TNIP3: variants seen among roughly 807,000 people sequenced by gnomAD.
TNIP3 encodes TNFAIP3 interacting protein 3, also known as TNFAIP3-interacting protein 3.
In TNIP3, 34 loss-of-function variants were observed where a neutral mutation model predicts 54.1. The observed-to-expected ratio is 0.63, with a 90% CI of 0.48 to 0.84. TNIP3 has a LOEUF of 0.84. TNIP3 is among the 40% of genes least tolerant of loss of function. The pLI is 0.00. For synonymous variants in TNIP3, 134 were observed against 136.8 expected, an observed-to-expected ratio of 0.98 and a Z score of 0.14; for missense variants, 366 against 387.6, an observed-to-expected ratio of 0.94 and a Z score of 0.47.
chr4:121,173,076 A>C (rs765041631), intron 3 of TNIP3, among the ~76,000 whole-genome samples: 5 of 152,220 alleles, frequency 3.3e-5, no homozygotes, highest in Non-Finnish European at 5.9e-5. Flanking sequence ...TGGGTGGCTG[A>C]ACCCATATCA....
intron 1 of TNIP3, among the ~76,000 whole-genome samples, chr4:121,162,300 G>C (rs1416654494): frequency 6.6e-6 from 1 of 152,262 alleles, no homozygotes; most frequent in East Asian, 1.9e-4. Flanking sequence ...GGTATTTTAA[G>C]TAAGCAGAGA....
At chr4:121,178,947 C>G (rs903923450) in intron 3 of TNIP3, among the ~76,000 whole-genome samples, 4 of 152,042 alleles carry the variant, frequency 2.6e-5, no homozygotes, top group Non-Finnish European at 5.9e-5. Context: ...ATGATAAAGT[C>G]TATAAATGAC....
At chr4:121,138,493 A>T in intron 10 of TNIP3, 131 bp downstream of exon 10, 1 of 803,774 alleles carries the variant, frequency 1.2e-6, no homozygotes, top group Non-Finnish European at 2.0e-6. Flanking sequence ...ATCAAATTAA[A>T]GTTATGTATG....
intron 1 of TNIP3, among the ~76,000 whole-genome samples, chr4:121,225,913 C>T (rs1490092004): frequency 2.6e-5 from 4 of 152,042 alleles, no homozygotes; most frequent in Non-Finnish European, 5.9e-5. Flanking sequence ...CTTTAGGTTC[C>T]TTTAACAGGA....
At chr4:121,184,826 G>A (rs945479114) in intron 2 of TNIP3, among the ~76,000 whole-genome samples, 2 of 152,158 alleles carry the variant, frequency 1.3e-5, no homozygotes, top group Admixed American at 6.5e-5. Context: ...CCTTCATGGT[G>A]CAAAAGGTTG....
chr4:121,157,326 T>C (rs763759857), intron 3 of TNIP3, 83 bp from the exon 4 acceptor site: 24 of 1,579,730 alleles, frequency 1.5e-5, no homozygotes, highest in South Asian at 4.5e-5. Context: ...CTATGAACTT[T>C]GGCAGAAACG....
At chr4:121,167,353 G>A (rs1008220119), upstream of TNIP3, among the ~76,000 whole-genome samples, 4 of 152,148 alleles carry the variant, frequency 2.6e-5, no homozygotes, top group Non-Finnish European at 5.9e-5. Flanking sequence ...ATTCAGAGGA[G>A]AGAGTGCTCA....
intron 3 of TNIP3, among the ~76,000 whole-genome samples, chr4:121,158,471 C>T (rs971121321): frequency 6.6e-6 from 1 of 152,160 alleles, no homozygotes; most frequent in Admixed American, 6.5e-5. Context: ...CATTTTTGCA[C>T]CTTTCTTTAG....
intron 3 of TNIP3, among the ~76,000 whole-genome samples, chr4:121,158,162 G>A (rs1028665381): frequency 6.6e-6 from 1 of 152,104 alleles, no homozygotes; most frequent in Non-Finnish European, 1.5e-5. Context: ...TCTTCCAAAA[G>A]CCCCTTTCTC....
chr4:121,182,676 C>A, exon 3 of TNIP3: 1 of 1,533,976 alleles, frequency 6.5e-7, no homozygotes, highest in Non-Finnish European at 8.7e-7. Context: ...GTTTTCTTAC[C>A]TTCAGAGAAC....
rs536048211 is a variant in TNIP3, at chr4:121,182,949, T to C, written c.69-153A>G. On this transcript the variant is annotated intron_variant, in intron 2 of 12. Transcript: ENST00000507879. The stretch of plus-strand genomic sequence containing the variant: ...TCTAATCTCATTATGTTTTCATTAG[T>C]CCATGCCATGAGAGCACTTTGAAAG... Among the ~76,000 whole-genome samples, 10 of 152,362 alleles carry C rather than the reference T, an allele frequency of 6.6e-5. No individual in the cohort carries two copies. The East Asian group carries it at 1.9e-3, about 29-fold the overall frequency.
At chr4:121,206,789 GA>G (rs1335477763) in intron 2 of TNIP3, among the ~76,000 whole-genome samples, 1 of 151,920 alleles carries the variant, frequency 6.6e-6, no homozygotes, top group African/African-American at 2.4e-5. Flanking sequence ...AGGCTGCTCT[GA>G]AACTCCTGGA....
At position 121,161,314 on chromosome 4, in the gene TNIP3, C is replaced by T. The variant is rs559404276; in HGVS notation, c.67-98G>A. On this transcript the variant is annotated intron_variant, in intron 1 of 10. Transcript: ENST00000057513. ...AACCCCATGCATTTGGCCAACTCTC[C>T]TGTTGCGATTTAAAAAATACCTGAT... 3.2e-4 allele frequency: 324 copies of T among 1,012,042 alleles called. 1 individual carries two copies. In the Middle Eastern group the frequency reaches 3.8e-3, roughly 12 times the overall value. The allele number at this position is 1,012,042 out of a possible 1,614,324, so 62.7% of individuals were successfully genotyped here.
chr4:121,213,803 A>C (rs1726622118), intron 2 of TNIP3, among the ~76,000 whole-genome samples: 2 of 152,300 alleles, frequency 1.3e-5, no homozygotes, highest in Non-Finnish European at 2.9e-5. Context: ...AAAAATTAAA[A>C]TATTAAAATG....
At chr4:121,171,156 T>A (rs1731043987) in intron 3 of TNIP3, among the ~76,000 whole-genome samples, 2 of 152,130 alleles carry the variant, frequency 1.3e-5, no homozygotes, top group South Asian at 2.1e-4. Flanking sequence ...TGTCATAGAA[T>A]AAAAAGAGGA....
chr4:121,134,610 T>G (rs779819102), intron 10 of TNIP3, among the ~76,000 whole-genome samples: 4 of 152,174 alleles, frequency 2.6e-5, no homozygotes, highest in Non-Finnish European at 5.9e-5. Context: ...AAATCTTTAG[T>G]TTTTGAAAGA....
chr4:121,159,089 A>G (rs893790864), intron 2 of TNIP3, among the ~76,000 whole-genome samples: 1 of 152,166 alleles, frequency 6.6e-6, no homozygotes, highest in Non-Finnish European at 1.5e-5. Context: ...CTAAAAATAC[A>G]AAACTTAGCC....
upstream of TNIP3, among the ~76,000 whole-genome samples, chr4:121,168,757 T>G (rs903931747): frequency 1.3e-5 from 2 of 149,862 alleles, no homozygotes; most frequent in Non-Finnish European, 2.9e-5. Context: ...TGGCTTTGAA[T>G]GATCCTCCCA....
chr4:121,159,465 C>T (rs1336023291), intron 2 of TNIP3, among the ~76,000 whole-genome samples: 1 of 152,096 alleles, frequency 6.6e-6, no homozygotes, highest in Non-Finnish European at 1.5e-5. Flanking sequence ...TTTTCCCAAA[C>T]TTTTTCGTAT....
Sources: gnomAD v4.1 joint callset for allele counts (sites outside exome capture counted in the v4.1 genomes callset) on GRCh38, gnomAD v4.1.1 for gene constraint, MANE v1.5 for transcripts, NCBI Gene and HGNC (gene_info 2026-07-23, HGNC 2026-07-21) for gene names.